MAGI2: variants seen among roughly 807,000 people sequenced by gnomAD.
The protein encoded by MAGI2 is membrane-associated guanylate kinase, WW and PDZ domain-containing protein 2.
Under a neutral mutation model 133.3 loss-of-function variants are expected in MAGI2, and 35 were observed. The observed-to-expected ratio is 0.26, with a 90% confidence interval of 0.20 to 0.35. The LOEUF (loss-of-function observed/expected upper bound fraction) is 0.35. Among genes scored for constraint, MAGI2 ranks in the 10% least tolerant of loss-of-function variants. The pLI, the probability that MAGI2 is intolerant of heterozygous loss-of-function variation, is 1.00. For missense variants in MAGI2, 1,636 were observed against 1,863.4 expected (o/e 0.88, Z 2.25); for synonymous variants, 729 against 710.6 (o/e 1.03, Z -0.41).
chr7:79,312,704 C>T (rs1163423919), intron 1 of MAGI2, among the ~76,000 whole-genome samples: 1 of 152,116 alleles, frequency 6.6e-6, no homozygotes, highest in African/African-American at 2.4e-5. Context: ...AAGTGCTTGG[C>T]ACAAAGTGTG....
intron 1 of MAGI2, among the ~76,000 whole-genome samples, chr7:79,153,838 G>A (rs1823508297): frequency 6.6e-6 from 1 of 152,246 alleles, no homozygotes; most frequent in East Asian, 1.9e-4. Flanking sequence ...TTACTTCCAA[G>A]GCCACCTTTC....
intron 1 of MAGI2, among the ~76,000 whole-genome samples, chr7:79,089,877 A>G (rs1816894298): frequency 6.6e-6 from 1 of 152,080 alleles, no homozygotes. Flanking sequence ...CAGCATTAGG[A>G]GAAATACCTA....
chr7:78,266,050 G>C (rs1793970645), intron 9 of MAGI2, among the ~76,000 whole-genome samples: 1 of 152,210 alleles, frequency 6.6e-6, no homozygotes, highest in African/African-American at 2.4e-5. Context: ...CAAGGAGAGA[G>C]AGTGAGAGGG....
At chr7:78,134,878 A>C (rs951595318) in intron 17 of MAGI2, 143 bp downstream of exon 17, 5 of 671,724 alleles carry the variant, frequency 7.4e-6, no homozygotes, top group Non-Finnish European at 1.2e-5. Context: ...GCAAAAGTGG[A>C]AATAATAATC....
intron 1 of MAGI2, among the ~76,000 whole-genome samples, chr7:79,293,210 T>A (rs1226699009): frequency 6.6e-6 from 1 of 152,190 alleles, no homozygotes; most frequent in Non-Finnish European, 1.5e-5. Context: ...GCCTGACTCC[T>A]TTTTATCATT....
At chr7:78,133,425 T>C (rs1463090494) in intron 17 of MAGI2, among the ~76,000 whole-genome samples, 1 of 152,222 alleles carries the variant, frequency 6.6e-6, no homozygotes, top group Non-Finnish European at 1.5e-5. Flanking sequence ...CCACCAGTTT[T>C]TGCTTGTAAT....
intron 9 of MAGI2, among the ~76,000 whole-genome samples, chr7:78,311,756 T>C (rs1051338476): frequency 6.6e-6 from 1 of 151,994 alleles, no homozygotes; most frequent in African/African-American, 2.4e-5. Context: ...TGCAAACTTA[T>C]GACACTTTCA....
intron 1 of MAGI2, among the ~76,000 whole-genome samples, chr7:79,186,237 T>TATAC (rs1827124166): frequency 1.3e-5 from 1 of 79,720 alleles, no homozygotes; most frequent in African/African-American, 3.6e-5. Context: ...TATATATATA[T>TATAC]ATATATTTAT....
chr7:78,661,877 A>G (rs1812995756), intron 2 of MAGI2, among the ~76,000 whole-genome samples: 1 of 152,134 alleles, frequency 6.6e-6, no homozygotes, highest in Admixed American at 6.5e-5. Flanking sequence ...TTTACATGCA[A>G]TTATTTGAAG....
chr7:78,142,868 T>C (rs1473002020), intron 16 of MAGI2, among the ~76,000 whole-genome samples: 5 of 152,160 alleles, frequency 3.3e-5, no homozygotes, highest in African/African-American at 1.2e-4. Context: ...TTTTCTTCCG[T>C]AGCAATACTT....
chr7:79,418,114 T>G (rs1435959419), intron 1 of MAGI2, among the ~76,000 whole-genome samples: 1 of 152,104 alleles, frequency 6.6e-6, no homozygotes, highest in Non-Finnish European at 1.5e-5. Context: ...CGTGTCATAT[T>G]TAATTGGTGC....
At chr7:79,054,149 T>C (rs1191424312) in intron 1 of MAGI2, among the ~76,000 whole-genome samples, 1 of 152,122 alleles carries the variant, frequency 6.6e-6, no homozygotes, top group Non-Finnish European at 1.5e-5. Context: ...TGAGCCAAGA[T>C]TGGACCACTC....
intron 1 of MAGI2, among the ~76,000 whole-genome samples, chr7:79,318,766 TAAACA>T (rs765608394): frequency 1.3e-5 from 2 of 152,162 alleles, no homozygotes; most frequent in African/African-American, 2.4e-5. Context: ...AAAAAATAAT[TAAACA>T]AATTTGCTGT....
At chr7:79,404,620 CAT>C (rs1171003037) in intron 1 of MAGI2, among the ~76,000 whole-genome samples, 1 of 152,082 alleles carries the variant, frequency 6.6e-6, no homozygotes, top group Non-Finnish European at 1.5e-5. Flanking sequence ...TTCTAGGAAA[CAT>C]ATGTTTTTCA....
At chr7:78,754,990 C>G (rs563343371) in intron 2 of MAGI2, among the ~76,000 whole-genome samples, 1 of 152,098 alleles carries the variant, frequency 6.6e-6, no homozygotes, top group Non-Finnish European at 1.5e-5. Context: ...CGGATGGTCT[C>G]TATTATGAAA....
chr7:79,279,674 A>C (rs1835484353), intron 1 of MAGI2, among the ~76,000 whole-genome samples: 1 of 152,196 alleles, frequency 6.6e-6, no homozygotes, highest in African/African-American at 2.4e-5. Flanking sequence ...ATCTCAAAGA[A>C]GTGGATTATT....
chr7:78,302,586 C>T lies in MAGI2; in HGVS notation c.1408+41192G>A, dbSNP rs1054187863. ...CTTTATTACAAACGAATATAAACAGCTTCATCTGGGATCTTATGGCTGCCA... is the reference window on the plus strand; with the variant it reads ...CTTTATTACAAACGAATATAAACAGTTTCATCTGGGATCTTATGGCTGCCA... On this transcript the variant is annotated intron_variant, in intron 9 of 21. Transcript: ENST00000354212. 1.3e-5 allele frequency among the ~76,000 whole-genome samples: 2 copies of T among 152,202 alleles called. 1 individual carries two copies. Among genetic ancestry groups the T allele is most frequent in the Admixed American group, 1.3e-4 (2 of 15,276 alleles).
At chr7:78,244,677 C>G (rs1791571906) in intron 10 of MAGI2, among the ~76,000 whole-genome samples, 1 of 151,984 alleles carries the variant, frequency 6.6e-6, no homozygotes, top group South Asian at 2.1e-4. Flanking sequence ...TATATGTAAA[C>G]AAATAGAATT....
At chr7:78,812,586 ATGTG>A (rs10542588) in intron 2 of MAGI2, among the ~76,000 whole-genome samples, 40,251 of 148,708 alleles carry the variant, frequency 0.27, 5,672 homozygotes, top group East Asian at 0.43. Context: ...ATATGTATGT[ATGTG>A]TGTGTGTGTG....
Sources: gnomAD v4.1 joint callset for allele counts (sites outside exome capture counted in the v4.1 genomes callset) on GRCh38, gnomAD v4.1.1 for gene constraint, MANE v1.5 for transcripts, NCBI Gene and HGNC (gene_info 2026-07-23, HGNC 2026-07-21) for gene names.